Variants in TBCK observed in about 807,000 individuals in gnomAD.
TBCK encodes the protein TBC domain-containing protein kinase-like protein.
Under a neutral mutation model 113.4 loss-of-function variants are expected in TBCK, and 99 were observed. That is an observed-to-expected ratio of 0.87 (90% CI 0.74 to 1.03). The LOEUF (loss-of-function observed/expected upper bound fraction) is 1.03. Among genes scored for constraint, TBCK ranks in the 50% least tolerant of loss-of-function variants. The pLI is 0.00. For synonymous variants in TBCK, 369 were observed against 370.8 expected (o/e 1.00, Z 0.05); for missense variants, 1,045 against 1,061.3 (o/e 0.98, Z 0.21).
intron 16 of TBCK, 100 bp downstream of exon 16, chr4:106,233,488 T>C: frequency 1.2e-6 from 1 of 859,608 alleles, no homozygotes; most frequent in Non-Finnish European, 1.9e-6. Context: ...CAGCAGTGTC[T>C]CTGTATTCAT....
chr4:106,225,528 C>T (rs747088237), intron 19 of TBCK, among the ~76,000 whole-genome samples: 22 of 152,118 alleles, frequency 1.4e-4, no homozygotes, highest in South Asian at 1.2e-3. Context: ...GGCGCAATCT[C>T]GGTTCACTGC....
rs897331294 is a variant in TBCK, at chr4:106,135,779, A to G, written c.2236-19401T>C. Among the ~76,000 whole-genome samples, 6 of 141,598 alleles carry G rather than the reference A, an allele frequency of 4.2e-5. 1 individual carries two copies. Among genetic ancestry groups the G allele is most frequent in the African/African-American group, 1.5e-4 (6 of 40,002 alleles). The allele number at this position is 141,598 out of a possible 152,430, so 92.9% of individuals were successfully genotyped here. Reference sequence around the variant, plus strand: ...CTTGTTCTTATAAAAGTTAAAGTCAATGGGTGTAAAAATGACAATGGAGAG... The same window carrying G: ...CTTGTTCTTATAAAAGTTAAAGTCAGTGGGTGTAAAAATGACAATGGAGAG... On this transcript the variant is annotated intron_variant, in intron 23 of 25. Transcript: ENST00000394708.
intron 19 of TBCK, among the ~76,000 whole-genome samples, chr4:106,213,089 G>A (rs1756357938): frequency 6.6e-6 from 1 of 152,126 alleles, no homozygotes; most frequent in South Asian, 2.1e-4. Flanking sequence ...TTGTACACAT[G>A]ATAAATAATG....
intron 3 of TBCK, among the ~76,000 whole-genome samples, chr4:106,290,339 G>A (rs1028124556): frequency 2.6e-5 from 4 of 151,934 alleles, no homozygotes; most frequent in Admixed American, 6.6e-5. Context: ...CACCACGCCT[G>A]GTTAATTTTT....
At chr4:106,122,083 G>GGAGCT (rs1389834386) in intron 23 of TBCK, among the ~76,000 whole-genome samples, 2 of 152,132 alleles carry the variant, frequency 1.3e-5, no homozygotes, top group East Asian at 3.8e-4. Flanking sequence ...ACTGAATCCA[G>GGAGCT]GAGCTGGTTT....
chr4:106,069,088 A>G (rs1450577512), intron 25 of TBCK, among the ~76,000 whole-genome samples: 7 of 152,066 alleles, frequency 4.6e-5, no homozygotes, highest in Non-Finnish European at 5.9e-5. Context: ...CTCCCATTCT[A>G]TAGGTTGCCT....
chr4:106,059,524 C>T (rs1172358809), intron 25 of TBCK, among the ~76,000 whole-genome samples: 1 of 151,604 alleles, frequency 6.6e-6, no homozygotes, highest in Non-Finnish European at 1.5e-5. Flanking sequence ...GGGATATGAG[C>T]CATACCTATA....
chr4:106,197,399 G>GTT (rs1462570749), intron 20 of TBCK, among the ~76,000 whole-genome samples: 3 of 104,254 alleles, frequency 2.9e-5, no homozygotes, highest in Middle Eastern at 4.7e-3. Context: ...GTGTGTGTGT[G>GTT]TGTGTGTGTG....
intron 20 of TBCK, among the ~76,000 whole-genome samples, chr4:106,195,482 A>ATATG (rs1553957246): frequency 4.9e-4 from 1 of 2,060 alleles, no homozygotes; most frequent in Non-Finnish European, 1.7e-3. Flanking sequence ...ATCTGGTTAA[A>ATATG]TGTGTGTGTT....
Position 106,244,527 on chromosome 4 carries a change from T to C in TBCK, c.1070+99A>G. 2.9e-6 allele frequency: 3 copies of C among 1,052,336 alleles called. No individual in the cohort carries two copies. In the South Asian group the frequency reaches 8.2e-5, roughly 29 times the overall value. The allele number at this position is 1,052,336 out of a possible 1,614,324, so 65.2% of individuals were successfully genotyped here. ...CAAAAAAATTTTAAAAACAACCAAT[T>C]TAAAAAAAAAAAACACCGATTTTCT... On this transcript the variant is annotated intron_variant, in intron 11 of 25. Transcript: ENST00000394708.
Position 106,248,903 on chromosome 4 carries a change from C to T in TBCK, c.720+18G>A. The T allele has an allele frequency of 1.3e-6, 2 of 1,585,986 alleles. No homozygotes were observed. The highest frequency in any genetic ancestry group is 1.7e-6 in the Non-Finnish European group (2 of 1,169,214). ...TTATAGCAGCACAAATGGACTAAGA[C>T]CCAGATTAATGACAAACCTTTATAA... On this transcript the variant is annotated intron_variant, in intron 8 of 25. Coordinates refer to ENST00000394708, the MANE Select transcript of TBCK (RefSeq NM_001163435.3).
At chr4:106,083,297 C>T (rs930242149) in intron 25 of TBCK, among the ~76,000 whole-genome samples, 2 of 152,226 alleles carry the variant, frequency 1.3e-5, no homozygotes, top group African/African-American at 4.8e-5. Flanking sequence ...CCCCACAGCC[C>T]AAAACACCGG....
chr4:106,248,262 G>A lies in TBCK; in HGVS notation c.765C>T (p.Thr255=). ...ATATCAACCTCTTAGAAGGATGGAA[G>A]GTAAGGCACTTATTCAAAAGATCTA... ...TVIDLLNKCL[T]FHPSKRPTPD... is the part of the protein sequence containing the mutation. Residue 255 remains threonine, a synonymous_variant, in exon 9 of 26, where the codon ACC becomes ACT. Transcript: ENST00000394708. 1 of 1,596,990 alleles carries A rather than the reference G, an allele frequency of 6.3e-7. No individual in the cohort carries two copies. Among genetic ancestry groups the A allele is most frequent in the South Asian group, 1.1e-5 (1 of 87,368 alleles).
At chr4:106,143,776 T>C (rs1031999295) in intron 23 of TBCK, among the ~76,000 whole-genome samples, 36 of 152,040 alleles carry the variant, frequency 2.4e-4, no homozygotes, top group African/African-American at 8.2e-4. Context: ...TAGCCGGGCA[T>C]GGTGGTGCAC....
At chr4:106,182,602 C>A (rs913521695) in intron 22 of TBCK, 2 of 151,998 alleles carry the variant, frequency 1.3e-5, no homozygotes, top group Non-Finnish European at 2.9e-5. Context: ...TTGTTGAAGG[C>A]CTTTTCTGCA....
intron 19 of TBCK, among the ~76,000 whole-genome samples, chr4:106,224,434 G>C (rs2149961759): frequency 6.6e-6 from 1 of 151,970 alleles, no homozygotes; most frequent in African/African-American, 2.4e-5. Context: ...AAATGGATTA[G>C]TTTCTTACGA....
At chr4:106,122,361 G>T (rs1296020482) in intron 23 of TBCK, among the ~76,000 whole-genome samples, 25 of 151,832 alleles carry the variant, frequency 1.6e-4, no homozygotes, top group African/African-American at 4.6e-4. Context: ...AATAACAGGA[G>T]CTGAAATTGT....
At chr4:106,073,925 C>CT (rs1737843331) in intron 25 of TBCK, among the ~76,000 whole-genome samples, 1 of 152,182 alleles carries the variant, frequency 6.6e-6, no homozygotes, top group Non-Finnish European at 1.5e-5. Context: ...CTGAGCCAGG[C>CT]ACAGGATATA....
chr4:106,082,189 G>T (rs1738953343), intron 25 of TBCK, among the ~76,000 whole-genome samples: 1 of 151,306 alleles, frequency 6.6e-6, no homozygotes, highest in Admixed American at 6.6e-5. Context: ...CAAAGACATG[G>T]AGTCAACAAA....
Sources: allele counts gnomAD v4.1 joint callset (sites outside exome capture counted in the v4.1 genomes callset), GRCh38; gene constraint gnomAD v4.1.1; transcripts MANE v1.5; gene names NCBI Gene and HGNC (gene_info 2026-07-23, HGNC 2026-07-21).